Variants in TUSC3 observed in about 807,000 individuals in gnomAD.
TUSC3 encodes dolichyl-diphosphooligosaccharide--protein glycosyltransferase subunit TUSC3.
A neutral mutation model predicts 44.8 loss-of-function variants in TUSC3; 45 were observed. The ratio of observed to expected loss-of-function variants is 1.00; its 90% CI spans 0.79 to 1.29. TUSC3 has a LOEUF of 1.29. TUSC3 is among the 50% of genes most tolerant of loss of function. TUSC3 has a pLI of 0.00. For missense variants in TUSC3, 519 were observed against 437.9 expected (o/e 1.19, Z -1.65); for synonymous variants, 212 against 152.9 (o/e 1.39, Z -2.85).
chr8:15,464,632 C>G (rs1311871857), intron 1 of TUSC3, among the ~76,000 whole-genome samples: 1 of 152,102 alleles, frequency 6.6e-6, no homozygotes, highest in African/African-American at 2.4e-5. Flanking sequence ...CTCAGTATAT[C>G]AGTTAGCTTT....
chr8:15,827,649 G>T, the TUSC3 span, among the ~76,000 whole-genome samples: 1 of 152,246 alleles, frequency 6.6e-6, no homozygotes, highest in Middle Eastern at 3.4e-3. Context: ...TTTTGCTAAT[G>T]TGTACATTTG....
chr8:15,674,468 G>T (rs1406709884), intron 6 of TUSC3, among the ~76,000 whole-genome samples: 2 of 151,762 alleles, frequency 1.3e-5, no homozygotes, highest in Non-Finnish European at 2.9e-5. Flanking sequence ...ACAGTTTTTC[G>T]TTTTTTCTCT....
At chr8:15,427,079 G>T (rs10098404) in intron 1 of TUSC3, among the ~76,000 whole-genome samples, 20,006 of 141,836 alleles carry the variant, frequency 0.14, 1,549 homozygotes, top group Middle Eastern at 0.2. Context: ...TTTGGTGTTT[G>T]TTTTTTTTTT....
chr8:15,506,447 C>T (rs1801051353), intron 2 of TUSC3, among the ~76,000 whole-genome samples: 1 of 152,198 alleles, frequency 6.6e-6, no homozygotes, highest in Non-Finnish European at 1.5e-5. Flanking sequence ...TTTGACTGTA[C>T]ATCATATGAC....
intron 2 of TUSC3, among the ~76,000 whole-genome samples, chr8:15,501,380 C>G (rs1800962815): frequency 6.6e-6 from 1 of 152,134 alleles, no homozygotes; most frequent in Non-Finnish European, 1.5e-5. Flanking sequence ...GGTACTTTCG[C>G]TATACTTCAC....
At chr8:15,582,015 G>A (rs187195204) in intron 1 of TUSC3, among the ~76,000 whole-genome samples, 361 of 152,022 alleles carry the variant, frequency 2.4e-3, no homozygotes, top group African/African-American at 7.9e-3. Context: ...CTTGTGGTGC[G>A]CCGCTTTTTA....
At chr8:15,670,269 T>C (rs1807884954) in intron 5 of TUSC3, among the ~76,000 whole-genome samples, 1 of 151,766 alleles carries the variant, frequency 6.6e-6, no homozygotes, top group Non-Finnish European at 1.5e-5. Context: ...TGAGACAATA[T>C]GAAGGAAGAA....
intron 2 of TUSC3, among the ~76,000 whole-genome samples, chr8:15,631,696 G>A (rs1805772100): frequency 6.6e-6 from 1 of 151,480 alleles, no homozygotes; most frequent in Admixed American, 6.6e-5. Context: ...GTGTGTGTGT[G>A]TGTGTGTGTG....
At chr8:15,798,226 T>A in the TUSC3 span, among the ~76,000 whole-genome samples, 1 of 151,860 alleles carries the variant, frequency 6.6e-6, no homozygotes, top group Non-Finnish European at 1.5e-5. Flanking sequence ...GAACATTGAA[T>A]AGACCCTTAA....
chr8:15,752,892 G>T (rs1585304932), intron 9 of TUSC3, among the ~76,000 whole-genome samples: 1 of 152,048 alleles, frequency 6.6e-6, no homozygotes, highest in East Asian at 1.9e-4. Flanking sequence ...TTCAATTCTT[G>T]TGAGCTCCAG....
At chr8:15,740,548 A>T (rs17612570) in intron 7 of TUSC3, among the ~76,000 whole-genome samples, 45,230 of 151,480 alleles carry the variant, frequency 0.3, 7,127 homozygotes, top group East Asian at 0.42. Context: ...TGTGCCAAAG[A>T]TTAAACCCAA....
intron 10 of TUSC3, among the ~76,000 whole-genome samples, chr8:15,761,579 C>T (rs1270938121): frequency 6.6e-6 from 1 of 152,148 alleles, no homozygotes; most frequent in Non-Finnish European, 1.5e-5. Flanking sequence ...GCGAATAAGC[C>T]AGTCACAGCA....
chr8:15,574,549 A>T (rs577438832), intron 1 of TUSC3, among the ~76,000 whole-genome samples: 3 of 152,222 alleles, frequency 2.0e-5, no homozygotes, highest in African/African-American at 7.2e-5. Flanking sequence ...TCTGGACAAT[A>T]GATATTATTT....
At chr8:15,826,401 C>T in the TUSC3 span, among the ~76,000 whole-genome samples, 2 of 152,124 alleles carry the variant, frequency 1.3e-5, no homozygotes, top group South Asian at 2.1e-4. Context: ...ATTGCCTTTT[C>T]AGTATGTTCT....
chr8:15,644,738 A>G (rs1806548897), intron 2 of TUSC3, among the ~76,000 whole-genome samples: 1 of 152,058 alleles, frequency 6.6e-6, no homozygotes, highest in African/African-American at 2.4e-5. Flanking sequence ...TATCATTAAT[A>G]TTAAAATACG....
At chr8:15,553,014 A>G (rs1321743612) in intron 1 of TUSC3, among the ~76,000 whole-genome samples, 7 of 151,646 alleles carry the variant, frequency 4.6e-5, no homozygotes, top group Non-Finnish European at 1.0e-4. Context: ...GCGGAATGAG[A>G]GAAAAGGAGA....
intron 2 of TUSC3, among the ~76,000 whole-genome samples, chr8:15,486,668 C>T (rs562689686): frequency 1.3e-5 from 2 of 152,200 alleles, no homozygotes; most frequent in South Asian, 2.1e-4. Context: ...TGGTTTTGAG[C>T]TCCTGACCTC....
chr8:15,625,176 G>C (rs1185504373), intron 2 of TUSC3, among the ~76,000 whole-genome samples: 5 of 152,072 alleles, frequency 3.3e-5, no homozygotes, highest in Non-Finnish European at 5.9e-5. Flanking sequence ...AACTGGTCTT[G>C]CATACAGGAA....
chr8:15,455,433 G>T (rs537254962), intron 1 of TUSC3, among the ~76,000 whole-genome samples: 5 of 150,840 alleles, frequency 3.3e-5, no homozygotes, highest in Admixed American at 6.6e-5. Context: ...ATGTATACAC[G>T]TATATGTATA....
Sources: allele counts gnomAD v4.1 joint callset (sites outside exome capture counted in the v4.1 genomes callset), GRCh38; gene constraint gnomAD v4.1.1; transcripts MANE v1.5; gene names NCBI Gene and HGNC (gene_info 2026-07-23, HGNC 2026-07-21).